The following NLRP8 variants were observed in gnomAD, a reference collection of about 807,000 sequenced individuals.
NLRP8 encodes the protein NACHT, LRR and PYD domains-containing protein 8.
NLRP8 carries 86 observed loss-of-function variants against 88.7 expected under a neutral mutation model. The observed-to-expected ratio is 0.97, with a 90% CI of 0.81 to 1.16. NLRP8 has a LOEUF of 1.16. NLRP8 is among the 50% of genes most tolerant of loss of function. The pLI, the probability that NLRP8 is intolerant of heterozygous loss-of-function variation, is 0.00. For missense variants in NLRP8, 1,342 were observed against 1,286.5 expected (o/e 1.04, Z -0.66); for synonymous variants, 504 against 494.6 (o/e 1.02, Z -0.25).
chr19:55,957,344 C>T (rs761678237), intron 3 of NLRP8, among the ~76,000 whole-genome samples: 3 of 152,040 alleles, frequency 2.0e-5, no homozygotes, highest in Non-Finnish European at 2.9e-5. Context: ...GACAGCACAC[C>T]TCTAGAGGGT....
chr19:55,985,181 T>C (rs1980752727), intron 9 of NLRP8, among the ~76,000 whole-genome samples: 1 of 152,092 alleles, frequency 6.6e-6, no homozygotes, highest in Non-Finnish European at 1.5e-5. Flanking sequence ...CGGGCGCCTG[T>C]AATCCCAGCT....
At chr19:55,975,838 A>G (rs1227874888) in intron 7 of NLRP8, among the ~76,000 whole-genome samples, 5 of 152,194 alleles carry the variant, frequency 3.3e-5, no homozygotes, top group African/African-American at 1.2e-4. Context: ...GGTGACAAAA[A>G]TATTCCAAAC....
At chr19:55,961,797 C>T (rs1341196864) in intron 3 of NLRP8, among the ~76,000 whole-genome samples, 3 of 152,228 alleles carry the variant, frequency 2.0e-5, no homozygotes, top group Admixed American at 6.5e-5. Flanking sequence ...TACCTTGTCT[C>T]AAATATAAAT....
intron 3 of NLRP8, among the ~76,000 whole-genome samples, chr19:55,957,939 A>G (rs73064114): frequency 0.013 from 1,941 of 152,062 alleles, 19 homozygotes; most frequent in Non-Finnish European, 0.02. Context: ...ATTTCTTCAT[A>G]TTGGTTGATA....
rs1980974154 is a variant in NLRP8 at position 55,988,468 on chromosome 19, A to ATATATATATATATATG, written c.*556_*557insATATATATATATATGT. The ATATATATATATATATG allele has an allele frequency of 2.7e-5, 4 of 145,808 alleles. No homozygotes were observed. The South Asian group carries it at 8.7e-4, about 32-fold the overall frequency. The allele number at this position is 145,808 out of a possible 1,614,324, so 9.0% of individuals were successfully genotyped here. On this transcript the variant is annotated 3_prime_UTR_variant, in exon 10 of 10. Transcript: ENST00000291971. ...TGTATATATATATATATATATATAT[A>ATATATATATATATATG]TGCTATATAAAGTTTAAATGAAATG...
At chr19:55,965,005 G>T (rs1038547647) in intron 4 of NLRP8, among the ~76,000 whole-genome samples, 1 of 152,154 alleles carries the variant, frequency 6.6e-6, no homozygotes, top group African/African-American at 2.4e-5. Flanking sequence ...GCGTGTGATG[G>T]CCAGGAGTGG....
intron 9 of NLRP8, among the ~76,000 whole-genome samples, chr19:55,985,751 C>G (rs142944826): frequency 1.3e-5 from 2 of 152,206 alleles, no homozygotes; most frequent in African/African-American, 4.8e-5. Context: ...CACACTGGCT[C>G]ATGCCTGTAA....
In NLRP8 at chr19:55,952,549, A is replaced by G; in HGVS notation, c.379A>G (p.Thr127Ala). 1 of 1,613,870 alleles carries G rather than the reference A, an allele frequency of 6.2e-7. No individual in the cohort carries two copies. The highest frequency in any genetic ancestry group is 8.5e-7 in the Non-Finnish European group (1 of 1,179,820). Residue 127 changes from threonine (T) to alanine (A), a missense_variant, in exon 2 of 10, where the codon ACC becomes GCC. By Grantham distance (58) the Thr-to-Ala change is moderately conservative (BLOSUM62 0). Transcript: ENST00000291971. The stretch of plus-strand genomic sequence containing the variant: ...TTTTTCTGTTACAGCCATTCTGCCT[A>G]CCTTGGAACCAGAGGACTTGAATGT...
At chr19:55,963,729 AT>A (rs1277094207) in intron 4 of NLRP8, among the ~76,000 whole-genome samples, 1 of 151,300 alleles carries the variant, frequency 6.6e-6, no homozygotes, top group Non-Finnish European at 1.5e-5. Flanking sequence ...TTTTTTTTTA[AT>A]TTTTTGTAGA....
intron 7 of NLRP8, 118 bp downstream of exon 7, chr19:55,973,940 A>C: frequency 1.0e-6 from 1 of 1,004,808 alleles, no homozygotes; most frequent in Non-Finnish European, 1.4e-6. Context: ...CGTGTTAGGC[A>C]TGGTGCTAGC....
intron 8 of NLRP8, 65 bp from the exon 9 acceptor site, chr19:55,979,329 C>T (rs113379933): frequency 0.01 from 16,493 of 1,571,580 alleles, 604 homozygotes; most frequent in Admixed American, 0.091. Context: ...GCCGTCACAC[C>T]GGCTGAGCTC....
chr19:55,969,597 C>A (rs1267145593), intron 5 of NLRP8, among the ~76,000 whole-genome samples: 2 of 152,142 alleles, frequency 1.3e-5, no homozygotes, highest in South Asian at 4.1e-4. Context: ...CACATAAAGA[C>A]TTCTTTTCCT....
At chr19:55,970,260 C>G (rs569049392) in intron 5 of NLRP8, among the ~76,000 whole-genome samples, 12 of 152,218 alleles carry the variant, frequency 7.9e-5, no homozygotes, top group Non-Finnish European at 1.6e-4. Flanking sequence ...ATTTTTCCAA[C>G]TAACTTTTTT....
intron 1 of NLRP8, among the ~76,000 whole-genome samples, chr19:55,952,087 G>A (rs1979120144): frequency 6.6e-6 from 1 of 152,000 alleles, no homozygotes; most frequent in Non-Finnish European, 1.5e-5. Flanking sequence ...TTTTATTGTT[G>A]TATTTTTATT....
intron 3 of NLRP8, among the ~76,000 whole-genome samples, chr19:55,959,987 C>T (rs901621501): frequency 3.3e-5 from 5 of 152,078 alleles, no homozygotes; most frequent in Non-Finnish European, 7.4e-5. Context: ...GGGGTTCTTT[C>T]AGACCCCAAT....
At chr19:55,961,273 G>A (rs1979597180) in intron 3 of NLRP8, among the ~76,000 whole-genome samples, 1 of 152,090 alleles carries the variant, frequency 6.6e-6, no homozygotes. Flanking sequence ...TCTCTGAAAC[G>A]ATTGTATGGG....
At position 55,955,560 on chromosome 19, in the gene NLRP8, A is replaced by G; in HGVS notation, c.1502A>G (p.Asp501Gly). The stretch of plus-strand genomic sequence containing the variant: ...CTTCGGAGAATTGCAGGTGAGGAAG[A>G]CCACTATGTCTTTACCCTCGTGACT... Residue 501 changes from aspartate to glycine, a missense_variant, in exon 3 of 10, where the codon GAC becomes GGC. Coordinates refer to ENST00000291971, the MANE Select transcript of NLRP8 (RefSeq NM_176811.2). The G allele has an allele frequency of 6.2e-7, 1 of 1,614,206 alleles. No homozygotes were observed. The highest frequency in any genetic ancestry group is 8.5e-7 in the Non-Finnish European group (1 of 1,180,040).
At position 55,957,702 on chromosome 19, in the gene NLRP8, T is replaced by A. The variant is rs907493161; in HGVS notation, c.2042+1602T>A. Among the ~76,000 whole-genome samples the A allele has an allele frequency of 3.0e-4, 14 of 46,134 alleles. No individual in the cohort carries two copies. The East Asian group carries it at 5.5e-3, about 18-fold the overall frequency. The allele number at this position is 46,134 out of a possible 152,430, so 30.3% of individuals were successfully genotyped here. The stretch of plus-strand genomic sequence containing the variant: ...ATATATATATATATATATATATATA[T>A]ATATATATATATATATATATATAAA... On this transcript the variant is annotated intron_variant, in intron 3 of 9. Coordinates refer to ENST00000291971, the MANE Select transcript of NLRP8 (RefSeq NM_176811.2).
chr19:55,987,326 C>T (rs555498904), intron 9 of NLRP8, among the ~76,000 whole-genome samples: 75 of 152,326 alleles, frequency 4.9e-4, no homozygotes, highest in African/African-American at 1.8e-3. Context: ...GCCAAGGTCA[C>T]GCCACTGCAC....
Sources: allele counts gnomAD v4.1 joint callset (sites outside exome capture counted in the v4.1 genomes callset), GRCh38; gene constraint gnomAD v4.1.1; transcripts MANE v1.5; gene names NCBI Gene and HGNC (gene_info 2026-07-23, HGNC 2026-07-21).